ALK: variants seen among roughly 807,000 people sequenced by gnomAD.
The protein encoded by ALK is ALK receptor tyrosine kinase.
A neutral mutation model predicts 163.1 loss-of-function variants in ALK; 74 were observed. The ratio of observed to expected loss-of-function variants is 0.45; its 90% CI spans 0.38 to 0.55. The LOEUF (loss-of-function observed/expected upper bound fraction) is 0.55. Ranked by LOEUF, ALK falls within the 20% of genes least tolerant of loss-of-function variation. The pLI is 0.00. For missense variants in ALK, 2,063 were observed against 2,105.3 expected (o/e 0.98, Z 0.39); for synonymous variants, 960 against 843.2 (o/e 1.14, Z -2.40).
chr2:29,639,640 C>T (rs982762469), intron 3 of ALK, among the ~76,000 whole-genome samples: 3 of 152,072 alleles, frequency 2.0e-5, no homozygotes, highest in African/African-American at 4.8e-5. Flanking sequence ...TCTACAGTTA[C>T]AAAAATTGAG....
rs1573128671 is a variant in ALK, at chr2:29,225,451, G to A, written c.3172+10C>T. The A allele has an allele frequency of 6.2e-7, 1 of 1,608,430 alleles. No homozygotes were observed. The highest frequency in any genetic ancestry group is 8.5e-7 in the Non-Finnish European group (1 of 1,176,856). On this transcript the variant is annotated intron_variant, in intron 19 of 28. Transcript: ENST00000389048. Reference sequence around the variant, plus strand: ...CCCCCTTGGGAGTCCCTGGGGCTCTGTGCACTCACCAATCATGATGCCGGA... The same window carrying A: ...CCCCCTTGGGAGTCCCTGGGGCTCTATGCACTCACCAATCATGATGCCGGA...
intron 1 of ALK, among the ~76,000 whole-genome samples, chr2:29,844,830 G>A (rs1330779868): frequency 6.7e-6 from 1 of 149,994 alleles, no homozygotes; most frequent in African/African-American, 2.5e-5. Context: ...AGCTGAGAAT[G>A]CAATCACCTT....
intron 5 of ALK, among the ~76,000 whole-genome samples, chr2:29,344,592 C>A (rs191921001): frequency 2.6e-5 from 4 of 152,368 alleles, no homozygotes; most frequent in African/African-American, 9.6e-5. Flanking sequence ...GCCCACACAC[C>A]TCTTGATCTG....
chr2:29,597,699 GT>G (rs1379749093), intron 3 of ALK, among the ~76,000 whole-genome samples: 2 of 152,182 alleles, frequency 1.3e-5, no homozygotes, highest in African/African-American at 2.4e-5. Context: ...TTTAATAAAA[GT>G]TTTAATATGT....
intron 3 of ALK, among the ~76,000 whole-genome samples, chr2:29,620,573 G>A (rs1676005934): frequency 6.6e-6 from 1 of 152,028 alleles, no homozygotes; most frequent in Admixed American, 6.6e-5. Flanking sequence ...CGGGGCCCTG[G>A]ATTCTAGACC....
chr2:29,343,378 A>AG (rs1491195630), intron 5 of ALK, among the ~76,000 whole-genome samples: 4 of 38,258 alleles, frequency 1.0e-4, no homozygotes, highest in African/African-American at 2.9e-4. Flanking sequence ...CTGGCTAAGT[A>AG]AAAAAAAAAA....
chr2:29,772,457 A>AGGCAT (rs1415990374), intron 1 of ALK, among the ~76,000 whole-genome samples: 1 of 152,240 alleles, frequency 6.6e-6, no homozygotes, highest in African/African-American at 2.4e-5. Context: ...GAGAAATTAA[A>AGGCAT]GGCATGTCTT....
chr2:29,466,540 C>G (rs1233403250), intron 4 of ALK, among the ~76,000 whole-genome samples: 2 of 152,188 alleles, frequency 1.3e-5, no homozygotes, highest in Non-Finnish European at 1.5e-5. Flanking sequence ...ATTAGGTTCT[C>G]ATTCATGGAA....
At chr2:29,757,198 A>C (rs1335512773) in intron 1 of ALK, among the ~76,000 whole-genome samples, 2 of 152,198 alleles carry the variant, frequency 1.3e-5, no homozygotes, top group Non-Finnish European at 2.9e-5. Context: ...CTATAGTGAA[A>C]TGTGGAAACT....
chr2:29,194,196 T>C (rs536670591), intron 28 of ALK, among the ~76,000 whole-genome samples: 43 of 151,952 alleles, frequency 2.8e-4, no homozygotes, highest in African/African-American at 1.0e-3. Flanking sequence ...GAGGAGACCT[T>C]TGGCCAGTTT....
intron 1 of ALK, among the ~76,000 whole-genome samples, chr2:29,814,823 T>C (rs1664853250): frequency 6.8e-6 from 1 of 147,382 alleles, no homozygotes; most frequent in African/African-American, 2.5e-5. Context: ...TTCACAGGAT[T>C]GGTATGAGAA....
At chr2:29,693,104 G>T (rs1261490819) in intron 3 of ALK, among the ~76,000 whole-genome samples, 1 of 152,038 alleles carries the variant, frequency 6.6e-6, no homozygotes, top group Admixed American at 6.6e-5. Flanking sequence ...CTTGGAGGGT[G>T]GGGAAAAGTT....
Position 29,534,235 on chromosome 2 carries a change from G to A in ALK, c.953-2119C>T, listed in dbSNP as rs114234006. Reference sequence around the variant, plus strand: ...TGATCTGTTATGGTGGGGGCAAGAGGGAATTAATATTGACCCAACCTCATC... The same window carrying A: ...TGATCTGTTATGGTGGGGGCAAGAGAGAATTAATATTGACCCAACCTCATC... On this transcript the variant is annotated intron_variant, in intron 3 of 28. Coordinates refer to ENST00000389048, the MANE Select transcript of ALK (RefSeq NM_004304.5). Among the ~76,000 whole-genome samples, 800 of 152,254 alleles carry A rather than the reference G, an allele frequency of 5.3e-3. 8 individuals are homozygous for A. The highest frequency in any genetic ancestry group is 0.017 in the African/African-American group (713 of 41,538).
Position 29,783,186 on chromosome 2 carries a change from G to A in ALK, c.668-65489C>T. Among the ~76,000 whole-genome samples, 4 of 152,232 alleles carry A rather than the reference G, an allele frequency of 2.6e-5. No homozygotes were observed. The South Asian group carries it at 8.3e-4, about 32-fold the overall frequency. On this transcript the variant is annotated intron_variant, in intron 1 of 28. Transcript: ENST00000389048. Reference sequence around the variant, plus strand: ...TCTCTCATCTACATCATAATCAATAGTTCTTCCCCCCTTTGTGATGGATCA... The same window carrying A: ...TCTCTCATCTACATCATAATCAATAATTCTTCCCCCCTTTGTGATGGATCA...
chr2:29,754,722 C>G (rs1680465190), intron 1 of ALK, among the ~76,000 whole-genome samples: 1 of 151,860 alleles, frequency 6.6e-6, no homozygotes, highest in Non-Finnish European at 1.5e-5. Context: ...TAAAGTAGAG[C>G]TCTAAACTTG....
chr2:29,782,524 G>A (rs1182504948), intron 1 of ALK, among the ~76,000 whole-genome samples: 1 of 152,150 alleles, frequency 6.6e-6, no homozygotes. Flanking sequence ...TGCCTGGCCA[G>A]CGTTAACCCC....
At chr2:29,727,983 A>G (rs1679620555) in intron 1 of ALK, among the ~76,000 whole-genome samples, 1 of 152,236 alleles carries the variant, frequency 6.6e-6, no homozygotes, top group Admixed American at 6.5e-5. Flanking sequence ...AAAAAATCAC[A>G]AAATATGATC....
At chr2:29,864,875 T>C (rs558226196) in intron 1 of ALK, among the ~76,000 whole-genome samples, 10 of 152,158 alleles carry the variant, frequency 6.6e-5, no homozygotes, top group Non-Finnish European at 1.3e-4. Context: ...TGTATAGAAC[T>C]AGCAGTTAGA....
intron 8 of ALK, among the ~76,000 whole-genome samples, chr2:29,309,336 C>T (rs923887458): frequency 6.6e-6 from 1 of 152,130 alleles, no homozygotes; most frequent in Non-Finnish European, 1.5e-5. Context: ...TAACATACAG[C>T]TTTTGAATGG....
Sources: gnomAD v4.1 joint callset for allele counts (sites outside exome capture counted in the v4.1 genomes callset) on GRCh38, gnomAD v4.1.1 for gene constraint, MANE v1.5 for transcripts, NCBI Gene and HGNC (gene_info 2026-07-23, HGNC 2026-07-21) for gene names.